CLCN7: variants seen among roughly 807,000 people sequenced by gnomAD.
CLCN7 encodes Cl-/H+ antiporter 7.
CLCN7 carries 60 observed loss-of-function variants against 102.1 expected under a neutral mutation model. That is an observed-to-expected ratio of 0.59 (90% CI 0.48 to 0.73). The LOEUF (loss-of-function observed/expected upper bound fraction) is 0.73. Among genes scored for constraint, CLCN7 ranks in the 30% least tolerant of loss-of-function variants. The pLI is 0.00. For synonymous variants in CLCN7, 560 were observed against 490.5 expected (o/e 1.14, Z -1.87); for missense variants, 962 against 1,125.7 (o/e 0.85, Z 2.08).
chr16:1,461,067 TGC>T (rs1342025739), intron 4 of CLCN7, 119 bp from the exon 5 acceptor site: 25 of 1,312,058 alleles, frequency 1.9e-5, no homozygotes, highest in Non-Finnish European at 2.5e-5. Flanking sequence ...GTGTGCACGG[TGC>T]GCTGAGTCCC....
At chr16:1,472,755 A>T (rs1219608068) in intron 1 of CLCN7, 7 of 150,200 alleles carry the variant, frequency 4.7e-5, no homozygotes, top group African/African-American at 1.7e-4. Flanking sequence ...TTTTTTTTAA[A>T]TTTTTTGAGA....
Position 1,455,459 on chromosome 16 carries a change from G to A in CLCN7, c.982-209C>T. ...AGCCCTCTCTGGACTTGCCAGTGGA[G>A]AGCAAGAGGGGAAGGTGGGGCAGGG... On this transcript the variant is annotated intron_variant, in intron 11 of 24. Coordinates refer to ENST00000382745, the MANE Select transcript of CLCN7 (RefSeq NM_001287.6). 5 of 648,538 alleles carry A rather than the reference G, an allele frequency of 7.7e-6. No homozygotes were observed. In the South Asian group the frequency reaches 8.7e-5, roughly 11 times the overall value. The allele number at this position is 648,538 out of a possible 1,614,324, so 40.2% of individuals were successfully genotyped here.
rs1473451608 is a variant in CLCN7 at position 1,446,506 on chromosome 16, T to C, written c.*125A>G. On this transcript the variant is annotated 3_prime_UTR_variant, in exon 25 of 25. Transcript: ENST00000382745. The stretch of plus-strand genomic sequence containing the variant: ...CGCGCCTGCCGCCTGCCCGCCCAGC[T>C]GCAGGGTGCTCGCCATTGCCACTGC... 1 of 884,448 alleles carries C rather than the reference T, an allele frequency of 1.1e-6. No individual in the cohort carries two copies. The highest frequency in any genetic ancestry group is 2.6e-5 in the East Asian group (1 of 38,034). 54.8% of individuals were successfully genotyped at this position (884,448 alleles called of 1,614,324 possible).
At chr16:1,459,002 G>T in intron 7 of CLCN7, 105 bp downstream of exon 7, 2 of 915,568 alleles carry the variant, frequency 2.2e-6, no homozygotes, top group Non-Finnish European at 1.7e-6. Flanking sequence ...CCAGTACACA[G>T]GGTGGCTGAG....
intron 1 of CLCN7, among the ~76,000 whole-genome samples, chr16:1,466,106 G>A (rs2039001091): frequency 1.3e-5 from 2 of 152,264 alleles, no homozygotes; most frequent in African/African-American, 4.8e-5. Flanking sequence ...ATGAAGGGAA[G>A]AAGGGCTGCC....
At chr16:1,471,911 T>C (rs1195906217) in intron 1 of CLCN7, 1 of 152,350 alleles carries the variant, frequency 6.6e-6, no homozygotes, top group Non-Finnish European at 1.5e-5. Context: ...CCTGTTCATG[T>C]GCGCAGCAGG....
At chr16:1,446,854 G>T in intron 24 of CLCN7, 137 bp from the exon 25 acceptor site, 1 of 1,099,330 alleles carries the variant, frequency 9.1e-7, no homozygotes, top group South Asian at 1.3e-5. Context: ...GCTGAGCACG[G>T]GGCTGGGGAG....
chr16:1,469,993 G>A (rs571015699), intron 1 of CLCN7, among the ~76,000 whole-genome samples: 16 of 152,360 alleles, frequency 1.1e-4, no homozygotes, highest in African/African-American at 3.8e-4. Flanking sequence ...TCGCAAGAGG[G>A]CCCTGGAGCC....
At chr16:1,450,398 A>G in intron 17 of CLCN7, 99 bp downstream of exon 17, 1 of 1,153,108 alleles carries the variant, frequency 8.7e-7, no homozygotes, top group Non-Finnish European at 1.2e-6. Context: ...GTGAGGTGCG[A>G]CACTTTTGTC....
chr16:1,450,139 C>T lies in CLCN7; in HGVS notation c.1617+358G>A. 5.7e-6 allele frequency: 2 copies of T among 352,734 alleles called. 1 individual carries two copies. The highest frequency in any genetic ancestry group is 5.4e-5 in the South Asian group (2 of 37,304). 21.9% of individuals were successfully genotyped at this position (352,734 alleles called of 1,614,324 possible). A position where few individuals can be genotyped will look rare whatever the true frequency, so the allele number is the denominator to read the frequency against. On this transcript the variant is annotated intron_variant, in intron 17 of 24. Coordinates refer to ENST00000382745, the MANE Select transcript of CLCN7 (RefSeq NM_001287.6). ...CAGTGTATGCCGCTCTGGCCCCCGG[C>T]CTCACAGAGAGCAGCCCTGGCCGGA...
At chr16:1,473,004 G>A (rs544610416) in intron 1 of CLCN7, among the ~76,000 whole-genome samples, 1 of 146,352 alleles carries the variant, frequency 6.8e-6, no homozygotes, top group Admixed American at 6.9e-5. Flanking sequence ...CTGGGCTCAA[G>A]TGATCCTCCC....
chr16:1,448,570 C>A, intron 20 of CLCN7, 86 bp from the exon 21 acceptor site: 1 of 1,602,226 alleles, frequency 6.2e-7, no homozygotes, highest in Non-Finnish European at 8.5e-7. Context: ...TGTGAAGCCG[C>A]TGGACAGGAA....
intron 16 of CLCN7, 91 bp downstream of exon 16, chr16:1,451,532 C>G: frequency 9.1e-7 from 1 of 1,104,754 alleles, no homozygotes; most frequent in African/African-American, 1.5e-5. Context: ...CAGCCCAGGG[C>G]TGCAACCTCA....
chr16:1,447,862 C>A, intron 21 of CLCN7, 148 bp from the exon 22 acceptor site: 1 of 867,486 alleles, frequency 1.2e-6, no homozygotes, highest in East Asian at 2.6e-5. Context: ...CTCACACCAG[C>A]CTCGCCATGG....
chr16:1,457,148 C>A lies in CLCN7; in HGVS notation c.822+106G>T, dbSNP rs115385532. ...CCCGCCAGGCTGTCCTCAGATGGGG[C>A]TGGGGCTCTCGGCCTGGGGGTGCTG... On this transcript the variant is annotated intron_variant, in intron 9 of 24. Coordinates refer to ENST00000382745, the MANE Select transcript of CLCN7 (RefSeq NM_001287.6). The surrounding 1 kb of genome is among the most constrained non-coding windows in gnomAD (Gnocchi z 5.4). 281 of 1,079,872 alleles carry A rather than the reference C, an allele frequency of 2.6e-4. 1 individual carries two copies. The African/African-American group carries it at 4.2e-3, about 16-fold the overall frequency. 66.9% of individuals were successfully genotyped at this position (1,079,872 alleles called of 1,614,324 possible).
chr16:1,449,151 C>A (rs759186864), intron 18 of CLCN7, 58 bp from the exon 19 acceptor site: 6 of 1,606,342 alleles, frequency 3.7e-6, no homozygotes, highest in Admixed American at 1.7e-5. Context: ...GGTCACGTGG[C>A]CACTGCCTTC....
intron 1 of CLCN7, among the ~76,000 whole-genome samples, chr16:1,467,087 C>A (rs566593089): frequency 3.3e-5 from 5 of 152,056 alleles, no homozygotes; most frequent in Admixed American, 1.3e-4. Flanking sequence ...GGGGAAGGAA[C>A]CTGGGCACGT....
intron 1 of CLCN7, among the ~76,000 whole-genome samples, chr16:1,469,932 T>G (rs1377893162): frequency 6.6e-6 from 1 of 152,212 alleles, no homozygotes; most frequent in Non-Finnish European, 1.5e-5. Context: ...CGGAGGACAC[T>G]GTGCCCCGTG....
At chr16:1,467,217 G>A (rs1030824926) in intron 1 of CLCN7, among the ~76,000 whole-genome samples, 1 of 152,186 alleles carries the variant, frequency 6.6e-6, no homozygotes, top group African/African-American at 2.4e-5. Context: ...AGACAGACTC[G>A]CAGGTGTCTG....
Sources: gnomAD v4.1 joint callset for allele counts (sites outside exome capture counted in the v4.1 genomes callset) on GRCh38, gnomAD v4.1.1 for gene constraint, Gnocchi (gnomAD v3.1) non-coding constraint, MANE v1.5 for transcripts, NCBI Gene and HGNC (gene_info 2026-07-23, HGNC 2026-07-21) for gene names.